FCHSD2: variants seen among roughly 807,000 people sequenced by gnomAD.
FCHSD2 encodes FCH and double SH3 domains 2.
FCHSD2 carries 38 observed loss-of-function variants against 108.1 expected under a neutral mutation model. The observed-to-expected ratio is 0.35, with a 90% CI of 0.27 to 0.46. The LOEUF is 0.46. FCHSD2 is among the 20% of genes least tolerant of loss of function. FCHSD2 has a pLI of 1.00. For missense variants in FCHSD2, 751 were observed against 897.8 expected (o/e 0.84, Z 2.09); for synonymous variants, 279 against 314.7 (o/e 0.89, Z 1.20).
chr11:72,934,400 G>T (rs962044759), intron 8 of FCHSD2, among the ~76,000 whole-genome samples: 1 of 147,934 alleles, frequency 6.8e-6, no homozygotes, highest in Non-Finnish European at 1.5e-5. Context: ...GCACTATCTC[G>T]GCTCACTGCA....
At chr11:73,042,996 C>G (rs1224574771) in intron 3 of FCHSD2, among the ~76,000 whole-genome samples, 1 of 152,016 alleles carries the variant, frequency 6.6e-6, no homozygotes, top group Non-Finnish European at 1.5e-5. Flanking sequence ...ATGTCATCTG[C>G]AAAGAAGGAC....
chr11:72,898,188 G>A, intron 10 of FCHSD2, among the ~76,000 whole-genome samples: 1 of 152,086 alleles, frequency 6.6e-6, no homozygotes, highest in Admixed American at 6.5e-5. Flanking sequence ...TGGGTGTCTT[G>A]GACTTTTGTA....
intron 12 of FCHSD2, among the ~76,000 whole-genome samples, chr11:72,876,986 T>C (rs72969872): frequency 0.023 from 3,433 of 152,180 alleles, 118 homozygotes; most frequent in African/African-American, 0.078. Context: ...TTTTTTTTTT[T>C]TTTAGACAGG....
In FCHSD2 at chr11:73,011,195, C is replaced by T. The variant is rs1373793883; in HGVS notation, c.242+4614G>A. The stretch of plus-strand genomic sequence containing the variant: ...ATGAAGTCAGGCTGGGGTGGCTTGC[C>T]CTCAGGCTCTCAACAATATGTGCAG... On this transcript the variant is annotated intron_variant, in intron 4 of 19. Transcript: ENST00000409418. Among the ~76,000 whole-genome samples the T allele has an allele frequency of 2.0e-5, 3 of 152,032 alleles. No individual in the cohort carries two copies. In the South Asian group the frequency reaches 6.2e-4, roughly 32 times the overall value.
chr11:72,941,946 A>C (rs1441123791), intron 8 of FCHSD2, among the ~76,000 whole-genome samples: 1 of 152,254 alleles, frequency 6.6e-6, no homozygotes, highest in Non-Finnish European at 1.5e-5. Context: ...AAAGTAATAA[A>C]GTTAATGGCA....
At chr11:73,007,853 A>G (rs1231550298) in intron 4 of FCHSD2, among the ~76,000 whole-genome samples, 4 of 152,242 alleles carry the variant, frequency 2.6e-5, no homozygotes. Context: ...TACTACAGTT[A>G]TGCAAGATAT....
chr11:73,004,092 G>C (rs1009320662), intron 4 of FCHSD2, among the ~76,000 whole-genome samples: 5 of 104,042 alleles, frequency 4.8e-5, no homozygotes, highest in African/African-American at 1.6e-4. Flanking sequence ...CTGGGCAAGA[G>C]AGTAAGACTC....
chr11:73,071,256 T>C (rs550920574), intron 3 of FCHSD2, among the ~76,000 whole-genome samples: 2 of 152,292 alleles, frequency 1.3e-5, no homozygotes, highest in Admixed American at 6.5e-5. Context: ...TCAATTCACG[T>C]GCATACACAT....
At chr11:72,952,429 A>T (rs891003884) in intron 8 of FCHSD2, among the ~76,000 whole-genome samples, 1 of 151,486 alleles carries the variant, frequency 6.6e-6, no homozygotes, top group East Asian at 1.9e-4. Flanking sequence ...GGTTCAAGTG[A>T]TTCTCCTGCC....
intron 3 of FCHSD2, among the ~76,000 whole-genome samples, chr11:73,036,831 A>C (rs1002757217): frequency 6.6e-6 from 1 of 152,230 alleles, no homozygotes; most frequent in African/African-American, 2.4e-5. Flanking sequence ...TATTGATAAA[A>C]TTTTAAAAAC....
chr11:72,917,945 T>C (rs746350196), intron 9 of FCHSD2, among the ~76,000 whole-genome samples: 59 of 151,976 alleles, frequency 3.9e-4, no homozygotes, highest in Non-Finnish European at 7.2e-4. Flanking sequence ...AAAAAGGCCA[T>C]TGGAATTTTG....
At chr11:72,928,742 T>G (rs917016634) in intron 8 of FCHSD2, among the ~76,000 whole-genome samples, 6 of 152,160 alleles carry the variant, frequency 3.9e-5, no homozygotes, top group Non-Finnish European at 8.8e-5. Context: ...ATTATTATAC[T>G]TTAAGTTTTA....
intron 2 of FCHSD2, among the ~76,000 whole-genome samples, chr11:73,110,713 GT>G (rs1483898046): frequency 2.0e-5 from 3 of 151,820 alleles, no homozygotes; most frequent in African/African-American, 7.3e-5. Flanking sequence ...CTAATTGTGG[GT>G]TTGGTTTGCT....
At chr11:73,117,190 A>C (rs1860624432) in intron 2 of FCHSD2, among the ~76,000 whole-genome samples, 1 of 152,196 alleles carries the variant, frequency 6.6e-6, no homozygotes, top group South Asian at 2.1e-4. Context: ...TAACTTATTC[A>C]ATCTTCACAA....
intron 9 of FCHSD2, among the ~76,000 whole-genome samples, chr11:72,908,461 G>C (rs1402968599): frequency 2.0e-5 from 3 of 152,154 alleles, no homozygotes; most frequent in Admixed American, 6.5e-5. Context: ...CTGCCAAACT[G>C]TTTTCCATAG....
chr11:72,860,366 G>C lies in FCHSD2; in HGVS notation c.1308+7499C>G, dbSNP rs149064589. 2.2e-4 allele frequency among the ~76,000 whole-genome samples: 33 copies of C among 152,028 alleles called. 1 individual carries two copies. In the South Asian group the frequency reaches 3.3e-3, roughly 15 times the overall value. On this transcript the variant is annotated intron_variant, in intron 13 of 19. Coordinates refer to ENST00000409418, the MANE Select transcript of FCHSD2 (RefSeq NM_014824.3). ...TAAGAACACATGTAACAGTTACCAA[G>C]ATATACGTTTATACTGGGTTACAAA... is the stretch of plus-strand genomic sequence containing the variant.
At chr11:73,048,052 T>G (rs1858809116) in intron 3 of FCHSD2, among the ~76,000 whole-genome samples, 1 of 151,822 alleles carries the variant, frequency 6.6e-6, no homozygotes, top group African/African-American at 2.4e-5. Flanking sequence ...CATGAGTTAT[T>G]TCTAAAAAGG....
intron 8 of FCHSD2, among the ~76,000 whole-genome samples, chr11:72,943,644 G>A (rs977441206): frequency 1.3e-5 from 2 of 152,132 alleles, no homozygotes; most frequent in Non-Finnish European, 2.9e-5. Flanking sequence ...GAACATATAT[G>A]TTTCAGTGTT....
chr11:72,994,990 A>G (rs1857494192), intron 5 of FCHSD2, among the ~76,000 whole-genome samples: 1 of 151,970 alleles, frequency 6.6e-6, no homozygotes, highest in South Asian at 2.1e-4. Context: ...GTCACTCCCC[A>G]TTTCTCCCCA....
Sources: allele counts gnomAD v4.1 joint callset (sites outside exome capture counted in the v4.1 genomes callset), GRCh38; gene constraint gnomAD v4.1.1; transcripts MANE v1.5; gene names NCBI Gene and HGNC (gene_info 2026-07-23, HGNC 2026-07-21).